The following MOV10L1 variants were observed in gnomAD, a reference collection of about 807,000 sequenced individuals.
MOV10L1 encodes RNA helicase Mov10l1.
MOV10L1 carries 110 observed loss-of-function variants against 143.8 expected under a neutral mutation model. That is an observed-to-expected ratio of 0.76 (90% confidence interval 0.66 to 0.90). The LOEUF (loss-of-function observed/expected upper bound fraction) is 0.90, where lower values mean the gene tolerates loss of function less well. MOV10L1 is among the 40% of genes least tolerant of loss of function. The pLI is 0.00. For missense variants in MOV10L1, 1,406 were observed against 1,526.8 expected (o/e 0.92, Z 1.32); for synonymous variants, 593 against 581.1 (o/e 1.02, Z -0.29).
rs1044431651 is a variant in MOV10L1, at chr22:50,152,317, C to T, written c.2893-728C>T. 1.3e-5 allele frequency among the ~76,000 whole-genome samples: 2 copies of T among 152,172 alleles called. No individual in the cohort carries two copies. The highest frequency in any genetic ancestry group is 2.4e-5 in the African/African-American group (1 of 41,448). ...ACGGCTCCCCGCGGCACAGACGCAG[C>T]GAGTCCTCATGCCAATACATGGGTC... On this transcript the variant is annotated intron_variant, in intron 21 of 26. Coordinates refer to ENST00000262794, the MANE Select transcript of MOV10L1 (RefSeq NM_018995.3). This position sits in a 1 kb window ranked among gnomAD's most constrained non-coding sequence, Gnocchi z 4.4.
chr22:50,134,316 T>C (rs2062760642), intron 14 of MOV10L1, among the ~76,000 whole-genome samples: 1 of 130,928 alleles, frequency 7.6e-6, no homozygotes, highest in Non-Finnish European at 1.7e-5. Flanking sequence ...ATAAATGTAA[T>C]TTATGAATTT....
At chr22:50,160,101 C>T (rs1349876627) in intron 24 of MOV10L1, among the ~76,000 whole-genome samples, 1 of 152,084 alleles carries the variant, frequency 6.6e-6, no homozygotes, top group Non-Finnish European at 1.5e-5. Context: ...CAGGTACCCG[C>T]AGGAGAGCCC....
intron 22 of MOV10L1, among the ~76,000 whole-genome samples, chr22:50,156,956 G>A (rs561866814): frequency 1.3e-5 from 2 of 152,280 alleles, no homozygotes; most frequent in African/African-American, 4.8e-5. Flanking sequence ...AGTAACTGCA[G>A]CATTCCACAC....
Position 50,108,733 on chromosome 22 carries a change from T to G in MOV10L1, c.632T>G (p.Leu211Arg), listed in dbSNP as rs2061941572. ...SIFFTLDSLKLPDGYTPRRGD... is the reference protein window; with the variant it reads ...SIFFTLDSLKRPDGYTPRRGD... ...TTCTTTACCTTGGACTCCTTGAAAC[T>G]GCCAGATGGGTACACACCCCGGAGA... The change falls in exon 5 of 27, where the codon CTG (leucine) becomes CGG (arginine). Residue 211 changes from leucine to arginine, a missense_variant. Around this residue, in one of 3 missense-constraint regions of MOV10L1, gnomAD observed 1,233 missense variants for 1,351.4 expected, o/e 0.91. Coordinates refer to ENST00000262794, the MANE Select transcript of MOV10L1 (RefSeq NM_018995.3). 2.5e-6 allele frequency: 4 copies of G among 1,614,204 alleles called. No homozygotes were observed. Among genetic ancestry groups the G allele is most frequent in the Non-Finnish European group, 3.4e-6 (4 of 1,180,042 alleles).
At chr22:50,113,918 T>TTA in intron 6 of MOV10L1, 130 bp downstream of exon 6, 2 of 861,938 alleles carry the variant, frequency 2.3e-6, no homozygotes, top group Non-Finnish European at 3.1e-6. Context: ...TTTTCTTTTT[T>TTA]TTTTTTTTTT....
At position 50,149,356 on chromosome 22, in the gene MOV10L1, C is replaced by T. The variant is rs2063233548; in HGVS notation, c.2628-259C>T. 1.0e-5 allele frequency: 5 copies of T among 479,740 alleles called. No homozygotes were observed. The South Asian group carries it at 1.2e-4, about 12-fold the overall frequency. 29.7% of individuals were successfully genotyped at this position (479,740 alleles called of 1,614,324 possible). On this transcript the variant is annotated intron_variant, in intron 19 of 26. Coordinates refer to ENST00000262794, the MANE Select transcript of MOV10L1 (RefSeq NM_018995.3). The stretch of plus-strand genomic sequence containing the variant: ...GCGCTCGTGTGTTGCCCATCGCTCC[C>T]ACCCCTTCTTCCCTCCACATCTCTA...
rs115554188 is a variant in MOV10L1, at chr22:50,121,769, G to A, written c.1569+1153G>A. Among the ~76,000 whole-genome samples, 618 of 152,208 alleles carry A rather than the reference G, an allele frequency of 4.1e-3. 4 individuals carry two copies. Among genetic ancestry groups the A allele is most frequent in the African/African-American group, 0.014 (581 of 41,522 alleles). ...GGACCCAGGTCTGCTGGGCTTGGAG[G>A]GTGCTCCTCAGTTCCTTCCACAGGC... On this transcript the variant is annotated intron_variant, in intron 10 of 26. Coordinates refer to ENST00000262794, the MANE Select transcript of MOV10L1 (RefSeq NM_018995.3).
At chr22:50,148,024 C>T (rs968329977) in intron 19 of MOV10L1, among the ~76,000 whole-genome samples, 5 of 152,222 alleles carry the variant, frequency 3.3e-5, no homozygotes, top group African/African-American at 1.2e-4. Flanking sequence ...AGGGTCTCAC[C>T]CCACAGTGGG....
chr22:50,113,857 T>G (rs2062089385), intron 6 of MOV10L1, 69 bp downstream of exon 6: 1 of 1,339,078 alleles, frequency 7.5e-7, no homozygotes, highest in African/African-American at 1.5e-5. Context: ...CTCAATAATT[T>G]CTGTAAAACC....
chr22:50,091,895 A>C, intron 1 of MOV10L1, 106 bp from the exon 2 acceptor site: 1 of 1,111,924 alleles, frequency 9.0e-7, no homozygotes, highest in Non-Finnish European at 1.3e-6. Flanking sequence ...GTGCCTCCGA[A>C]CTGCAAAAAA....
chr22:50,134,394 A>T, intron 14 of MOV10L1, 136 bp from the exon 15 acceptor site: 3 of 667,146 alleles, frequency 4.5e-6, no homozygotes, highest in Non-Finnish European at 7.6e-6. Flanking sequence ...ATAATTTAGA[A>T]ACAGTATAAC....
chr22:50,160,870 AG>A (rs747125057), intron 25 of MOV10L1, 45 bp downstream of exon 25: 7 of 1,612,910 alleles, frequency 4.3e-6, no homozygotes, highest in Middle Eastern at 3.3e-4. Flanking sequence ...TTAAGGAGGG[AG>A]GGTCCGGGTC....
intron 15 of MOV10L1, 65 bp downstream of exon 15, chr22:50,134,695 T>C: frequency 2.1e-6 from 3 of 1,421,546 alleles, no homozygotes; most frequent in Non-Finnish European, 3.0e-6. Context: ...TGTCTTTACA[T>C]AGGGGGTGGC....
At chr22:50,090,283 G>T in intron 1 of MOV10L1, 98 bp downstream of exon 1, 1 of 1,445,172 alleles carries the variant, frequency 6.9e-7, no homozygotes. Context: ...GTGCGGGCCG[G>T]CAGGCAACGC....
intron 8 of MOV10L1, among the ~76,000 whole-genome samples, chr22:50,116,636 A>G (rs986407381): frequency 2.0e-5 from 3 of 151,618 alleles, no homozygotes; most frequent in Non-Finnish European, 4.4e-5. Flanking sequence ...TTAGGATTAC[A>G]AAAAAGACTA....
rs1335375428 is a variant in MOV10L1, at chr22:50,125,432, T to C, written c.1610T>C (p.Leu537Ser). ...AATTACAAGGAGAAGTTTTCGACTT[T>C]GCTGTGGCTTGAGGAGATTTATGCA... ...MSNYKEKFST[L>S]LWLEEIYAEM... Residue 537 changes from leucine (L) to serine (S), a missense_variant, in exon 11 of 27, where the codon TTG becomes TCG. By Grantham distance (145) the Leu-to-Ser change is moderately radical. Around this residue, in one of 3 missense-constraint regions of MOV10L1, gnomAD observed 1,233 missense variants for 1,351.4 expected, o/e 0.91. Coordinates refer to ENST00000262794, the MANE Select transcript of MOV10L1 (RefSeq NM_018995.3). 1.2e-6 allele frequency: 2 copies of C among 1,614,252 alleles called. No homozygotes were observed. Among genetic ancestry groups the C allele is most frequent in the South Asian group, 2.2e-5 (2 of 91,088 alleles).
At chr22:50,106,325 CTTTT>C (rs1165257394) in intron 3 of MOV10L1, among the ~76,000 whole-genome samples, 2 of 94,556 alleles carry the variant, frequency 2.1e-5, no homozygotes, top group African/African-American at 8.0e-5. Context: ...CCAACTAATT[CTTTT>C]TTTTTTTTTT....
In MOV10L1 at chr22:50,125,635, C is replaced by T; in HGVS notation, c.1747+66C>T. Reference sequence around the variant, plus strand: ...GAGAAACCATACTTGAGAGAAGATACTCTTTAACTGGCAATATGACAGTCA... The same window carrying T: ...GAGAAACCATACTTGAGAGAAGATATTCTTTAACTGGCAATATGACAGTCA... On this transcript the variant is annotated intron_variant, in intron 11 of 26. Coordinates refer to ENST00000262794, the MANE Select transcript of MOV10L1 (RefSeq NM_018995.3). The T allele has an allele frequency of 3.4e-6, 5 of 1,479,338 alleles. No homozygotes were observed. In the South Asian group the frequency reaches 6.4e-5, roughly 19 times the overall value. The allele number at this position is 1,479,338 out of a possible 1,614,324, so 91.6% of individuals were successfully genotyped here.
At chr22:50,095,779 A>G (rs1185283832) in intron 2 of MOV10L1, 1 of 151,922 alleles carries the variant, frequency 6.6e-6, no homozygotes, top group Non-Finnish European at 1.5e-5. Flanking sequence ...CACTTGTTCC[A>G]TCTTGTAAGG....
Sources: gnomAD v4.1 joint callset for allele counts (sites outside exome capture counted in the v4.1 genomes callset) on GRCh38, gnomAD v4.1.1 for gene constraint, gnomAD v4.1.1 regional missense constraint, Gnocchi (gnomAD v3.1) non-coding constraint, MANE v1.5 for transcripts, NCBI Gene and HGNC (gene_info 2026-07-23, HGNC 2026-07-21) for gene names.